CCDC134: variants seen among roughly 807,000 people sequenced by gnomAD.
CCDC134 encodes the protein coiled-coil domain-containing protein 134.
CCDC134 carries 27 observed loss-of-function variants against 25.6 expected under a neutral mutation model. That is an observed-to-expected ratio of 1.05 (90% CI 0.78 to 1.45). The LOEUF (loss-of-function observed/expected upper bound fraction) is 1.45, where lower values mean the gene tolerates loss of function less well. Ranked by LOEUF, CCDC134 falls within the 40% of genes most tolerant of loss-of-function variation. The probability of loss-of-function intolerance (pLI) is 0.00; values close to 1 mark genes in which losing one functional copy is unlikely to be tolerated. For missense variants in CCDC134, 261 were observed against 286.7 expected, an observed-to-expected ratio of 0.91 and a Z score of 0.65; for synonymous variants, 110 against 115.0, an observed-to-expected ratio of 0.96 and a Z score of 0.28.
intron 1 of CCDC134, among the ~76,000 whole-genome samples, chr22:41,803,610 A>T (rs2076554263): frequency 2.0e-5 from 3 of 152,088 alleles, no homozygotes. Context: ...TCTACAAAAA[A>T]TACAAAAATT....
At position 41,829,986 on chromosome 22, in the gene CCDC134, T is replaced by A. The variant is rs1310850006; in HGVS notation, c.*4163T>A. On this transcript the variant is annotated 3_prime_UTR_variant, in exon 7 of 7. Coordinates refer to ENST00000255784, the MANE Select transcript of CCDC134 (RefSeq NM_024821.5). ...ATGGGTTTCACCATATTGGCCAGGA[T>A]GGTCTCGATCTCTTGACTTCGTGAT... 3.9e-5 allele frequency among the ~76,000 whole-genome samples: 6 copies of A among 152,170 alleles called. No individual in the cohort carries two copies.
chr22:41,823,647 C>T (rs994203922), intron 6 of CCDC134, among the ~76,000 whole-genome samples: 8 of 152,180 alleles, frequency 5.3e-5, no homozygotes, highest in African/African-American at 1.9e-4. Context: ...CCATTTAGTC[C>T]CGTTCAGGGT....
At position 41,810,235 on chromosome 22, in the gene CCDC134, C is replaced by T. The variant is rs769416137; in HGVS notation, c.254C>T (p.Thr85Ile). ...CTGGAGGACTCCCGGACAGTGCTCACCGCTGCTGATGTGCTCCCAGATGGG... is the reference window on the plus strand; with the variant it reads ...CTGGAGGACTCCCGGACAGTGCTCATCGCTGCTGATGTGCTCCCAGATGGG... ...KVLEDSRTVLTAADVLPDGPF... is the reference protein window; with the variant it reads ...KVLEDSRTVLIAADVLPDGPF... Residue 85 changes from threonine to isoleucine, a missense_variant, in exon 4 of 7, where the codon ACC (threonine) becomes ATC (isoleucine). Physicochemically the swap from Thr to Ile is moderately conservative, Grantham distance 89. Transcript: ENST00000255784. 5.0e-6 allele frequency: 8 copies of T among 1,614,092 alleles called. No homozygotes were observed. Among genetic ancestry groups the T allele is most frequent in the Non-Finnish European group, 6.8e-6 (8 of 1,179,986 alleles).
intron 5 of CCDC134, 128 bp from the exon 6 acceptor site, chr22:41,813,623 C>G (rs1025374930): frequency 6.6e-6 from 8 of 1,217,766 alleles, no homozygotes; most frequent in African/African-American, 1.5e-5. Context: ...GACCCAGTTC[C>G]CATGGGATCA....
intron 6 of CCDC134, among the ~76,000 whole-genome samples, chr22:41,815,975 C>A (rs1442931506): frequency 6.6e-6 from 1 of 152,062 alleles, no homozygotes; most frequent in Non-Finnish European, 1.5e-5. Flanking sequence ...TGAACAGGGT[C>A]CTGGACTCAA....
rs1201208899 is a variant in CCDC134 at position 41,828,888 on chromosome 22, T to C, written c.*3065T>C. On this transcript the variant is annotated 3_prime_UTR_variant, in exon 7 of 7. Coordinates refer to ENST00000255784, the MANE Select transcript of CCDC134 (RefSeq NM_024821.5). ...TGCCCAGTGGTGGCAACAGTGGTGT[T>C]TTCAGTGTGATCTTGGACATTGCTC... Among the ~76,000 whole-genome samples, 1 of 152,202 alleles carries C rather than the reference T, an allele frequency of 6.6e-6. No individual in the cohort carries two copies. Among genetic ancestry groups the C allele is most frequent in the Non-Finnish European group, 1.5e-5 (1 of 68,038 alleles).
At chr22:41,817,385 T>G (rs1453495760) in intron 6 of CCDC134, among the ~76,000 whole-genome samples, 2 of 152,166 alleles carry the variant, frequency 1.3e-5, no homozygotes, top group East Asian at 3.8e-4. Context: ...TGAGCCAGGC[T>G]GTCTAGTTTG....
At position 41,813,558 on chromosome 22, in the gene CCDC134, T is replaced by A; in HGVS notation, c.492+113T>A. ...TCAGTGCTTGGTTACATTTTCTTTGTGGAGCTTCAGGGTATCTTGGGCCAC... is the reference window on the plus strand; with the variant it reads ...TCAGTGCTTGGTTACATTTTCTTTGAGGAGCTTCAGGGTATCTTGGGCCAC... On this transcript the variant is annotated intron_variant, in intron 5 of 6. Transcript: ENST00000255784. 5 of 1,344,642 alleles carry A rather than the reference T, an allele frequency of 3.7e-6. 1 individual carries two copies. The Admixed American group carries it at 1.1e-4, about 29-fold the overall frequency. The allele number at this position is 1,344,642 out of a possible 1,614,324, so 83.3% of individuals were successfully genotyped here.
intron 4 of CCDC134, among the ~76,000 whole-genome samples, chr22:41,810,646 C>G (rs2076591409): frequency 6.6e-6 from 1 of 151,900 alleles, no homozygotes; most frequent in South Asian, 2.1e-4. Context: ...CAGGCACATG[C>G]CGCCACACCC....
chr22:41,807,785 C>T (rs988481662), intron 1 of CCDC134, among the ~76,000 whole-genome samples: 1 of 151,982 alleles, frequency 6.6e-6, no homozygotes, highest in Non-Finnish European at 1.5e-5. Flanking sequence ...ATTTGGGAGG[C>T]TGGGGCGAGA....
intron 6 of CCDC134, among the ~76,000 whole-genome samples, chr22:41,823,423 G>A (rs924159627): frequency 9.9e-5 from 15 of 151,922 alleles, no homozygotes; most frequent in African/African-American, 2.9e-4. Context: ...ACAAGGTTTC[G>A]CTATGTTGAC....
rs117449393 is a variant in CCDC134, at chr22:41,824,372, G to A, written c.565-1326G>A. Among the ~76,000 whole-genome samples, 320 of 152,254 alleles carry A rather than the reference G, an allele frequency of 2.1e-3. 8 individuals are homozygous for A. The East Asian group carries it at 0.055, about 26-fold the overall frequency. On this transcript the variant is annotated intron_variant, in intron 6 of 6. Transcript: ENST00000255784. ...GATATGAGGGTAGGAACAGAGAGGC[G>A]GGCGGGGTGGACCTGCAGATACACC...
chr22:41,825,061 C>T lies in CCDC134; in HGVS notation c.565-637C>T, dbSNP rs1209671284. On this transcript the variant is annotated intron_variant, in intron 6 of 6. Transcript: ENST00000255784. The surrounding 1 kb of genome is among the most constrained non-coding windows in gnomAD (Gnocchi z 4.4). Reference sequence around the variant, plus strand: ...GAACAGGGACTCTGGGGAGAGGGAACCATACTGAGTCTAGGGTGCATTTGG... The same window carrying T: ...GAACAGGGACTCTGGGGAGAGGGAATCATACTGAGTCTAGGGTGCATTTGG... Among the ~76,000 whole-genome samples the T allele has an allele frequency of 6.6e-6, 1 of 151,916 alleles. No homozygotes were observed. Among genetic ancestry groups the T allele is most frequent in the Non-Finnish European group, 1.5e-5 (1 of 67,980 alleles).
chr22:41,806,321 C>T lies in CCDC134; in HGVS notation c.-16-2554C>T, dbSNP rs189383977. 3.1e-3 allele frequency among the ~76,000 whole-genome samples: 460 copies of T among 149,898 alleles called. 3 individuals carry two copies. Among genetic ancestry groups the T allele is most frequent in the African/African-American group, 0.01 (424 of 40,632 alleles). On this transcript the variant is annotated intron_variant, in intron 1 of 6. Transcript: ENST00000255784. ...GCAACCTCTGCCTCCTGGGTACAAG[C>T]GATTCTCCTGCCTCAGCCTCCCAAG...
rs2076699156 is a variant in CCDC134 at position 41,830,260 on chromosome 22, C to T, written c.*4437C>T. ...GCTTCCTGAGGTTCGGGTCCAGCCA[C>T]CCTTCTTCCACCATTTCTACTGAGC... On this transcript the variant is annotated 3_prime_UTR_variant, in exon 7 of 7. Coordinates refer to ENST00000255784, the MANE Select transcript of CCDC134 (RefSeq NM_024821.5). Among the ~76,000 whole-genome samples, 1 of 152,232 alleles carries T rather than the reference C, an allele frequency of 6.6e-6. No homozygotes were observed. Among genetic ancestry groups the T allele is most frequent in the South Asian group, 2.1e-4 (1 of 4,836 alleles).
chr22:41,813,324 G>A lies in CCDC134; in HGVS notation c.371G>A (p.Arg124Lys), dbSNP rs745341805. The A allele has an allele frequency of 1.2e-6, 2 of 1,614,042 alleles. No homozygotes were observed. The highest frequency in any genetic ancestry group is 1.7e-5 in the Admixed American group (1 of 59,992). The change falls in exon 5 of 7, where the codon AGG (arginine) becomes AAG (lysine). Residue 124 changes from arginine to lysine, a missense_variant. Coordinates refer to ENST00000255784, the MANE Select transcript of CCDC134 (RefSeq NM_024821.5). ...GGCGATGTGGTGCTGCGCTTCCCGA[G>A]GATTGTGCACTATTACTTTGACCAC... ...FFGDVVLRFP[R>K]IVHYYFDHNS... is the part of the protein sequence containing the mutation.
Position 41,827,984 on chromosome 22 carries a change from T to C in CCDC134, c.*2161T>C, listed in dbSNP as rs1186362032. The stretch of plus-strand genomic sequence containing the variant: ...AAAACTTTCTAAGAACCAGGCCTGG[T>C]TGGCAGCAGACCTAGCTTTCTTGGG... On this transcript the variant is annotated 3_prime_UTR_variant, in exon 7 of 7. Coordinates refer to ENST00000255784, the MANE Select transcript of CCDC134 (RefSeq NM_024821.5). 6.6e-6 allele frequency among the ~76,000 whole-genome samples: 1 copy of C among 152,204 alleles called. No homozygotes were observed. Among genetic ancestry groups the C allele is most frequent in the African/African-American group, 2.4e-5 (1 of 41,460 alleles).
At chr22:41,802,739 C>G (rs527735372) in intron 1 of CCDC134, among the ~76,000 whole-genome samples, 14 of 151,888 alleles carry the variant, frequency 9.2e-5, no homozygotes, top group Non-Finnish European at 1.6e-4. Context: ...ACGGTGAAAC[C>G]CCATCTCAAC....
intron 1 of CCDC134, among the ~76,000 whole-genome samples, chr22:41,808,567 C>T (rs893429824): frequency 2.0e-5 from 3 of 152,214 alleles, no homozygotes; most frequent in Non-Finnish European, 2.9e-5. Context: ...GCTGGGCAAG[C>T]TGCTCGAGGT....
Sources: gnomAD v4.1 joint callset for allele counts (sites outside exome capture counted in the v4.1 genomes callset) on GRCh38, gnomAD v4.1.1 for gene constraint, Gnocchi (gnomAD v3.1) non-coding constraint, MANE v1.5 for transcripts, NCBI Gene and HGNC (gene_info 2026-07-23, HGNC 2026-07-21) for gene names.